Variants in GLP2R observed in about 807,000 individuals in gnomAD.
GLP2R encodes the protein glucagon-like peptide 2 receptor.
GLP2R carries 59 observed loss-of-function variants against 68.2 expected under a neutral mutation model. That is an observed-to-expected ratio of 0.87 (90% CI 0.70 to 1.07). The LOEUF (loss-of-function observed/expected upper bound fraction) is 1.07. Ranked by LOEUF, GLP2R falls within the 50% of genes least tolerant of loss-of-function variation. The pLI, the probability that GLP2R is intolerant of heterozygous loss-of-function variation, is 0.00. For missense variants in GLP2R, 548 were observed against 677.4 expected, an observed-to-expected ratio of 0.81 and a Z score of 2.12; for synonymous variants, 270 against 265.4, an observed-to-expected ratio of 1.02 and a Z score of -0.17.
chr17:9,849,761 C>T (rs1171680879), intron 4 of GLP2R, among the ~76,000 whole-genome samples: 1 of 151,748 alleles, frequency 6.6e-6, no homozygotes, highest in Non-Finnish European at 1.5e-5. Flanking sequence ...TACAGGCGCC[C>T]GCCACCACGC....
At chr17:9,865,134 C>A (rs1026591596) in intron 9 of GLP2R, among the ~76,000 whole-genome samples, 3 of 152,108 alleles carry the variant, frequency 2.0e-5, no homozygotes, top group Admixed American at 2.0e-4. Context: ...ATGGCTCCAC[C>A]ACCCACCCAC....
rs932451599 is a variant in GLP2R, at chr17:9,865,615, G to A, written c.1056+3525G>A. Among the ~76,000 whole-genome samples the A allele has an allele frequency of 3.3e-5, 5 of 152,164 alleles. No individual in the cohort carries two copies. The East Asian group carries it at 5.8e-4, about 18-fold the overall frequency. ...CACCATGGTGTTTCCCTCCTCCCAT[G>A]CACACATAAGCCTCAAGTGCCTGTT... On this transcript the variant is annotated intron_variant, in intron 9 of 12. Transcript: ENST00000262441.
At chr17:9,866,675 T>A (rs2152042280) in intron 9 of GLP2R, 1 of 152,364 alleles carries the variant, frequency 6.6e-6, no homozygotes, top group East Asian at 1.9e-4. Context: ...GCACCTTCAC[T>A]GGGCTTGGCT....
intron 12 of GLP2R, among the ~76,000 whole-genome samples, chr17:9,889,129 A>G (rs769072649): frequency 1.3e-5 from 2 of 152,178 alleles, no homozygotes; most frequent in South Asian, 4.1e-4. Flanking sequence ...ACCCCGGCAG[A>G]GTCCTTTCCT....
intron 10 of GLP2R, among the ~76,000 whole-genome samples, chr17:9,877,864 G>A (rs555667760): frequency 2.1e-4 from 26 of 124,122 alleles, no homozygotes; most frequent in African/African-American, 6.3e-4. Flanking sequence ...GCGACAGAAC[G>A]AGACTCCGTC....
At chr17:9,865,098 C>T (rs567366218) in intron 9 of GLP2R, among the ~76,000 whole-genome samples, 4 of 152,258 alleles carry the variant, frequency 2.6e-5, no homozygotes, top group East Asian at 1.9e-4. Flanking sequence ...CAGACCTCTC[C>T]TTCTCCTACT....
chr17:9,834,077 A>G (rs2066705367), intron 2 of GLP2R, among the ~76,000 whole-genome samples, 183 bp downstream of exon 2: 1 of 152,150 alleles, frequency 6.6e-6, no homozygotes, highest in Non-Finnish European at 1.5e-5. Context: ...GAAGACTCCC[A>G]TGGCCTCTAC....
At chr17:9,849,094 C>A (rs978771258) in intron 4 of GLP2R, among the ~76,000 whole-genome samples, 2 of 150,772 alleles carry the variant, frequency 1.3e-5, no homozygotes, top group South Asian at 2.1e-4. Flanking sequence ...TTTAATAATA[C>A]GTTTAAAATT....
intron 9 of GLP2R, among the ~76,000 whole-genome samples, chr17:9,869,851 C>A (rs1396139947): frequency 1.3e-5 from 2 of 152,186 alleles, no homozygotes; most frequent in African/African-American, 4.8e-5. Flanking sequence ...GTGCAAGTAA[C>A]TAAATCTAGC....
At chr17:9,848,773 C>G (rs1471912319) in intron 4 of GLP2R, among the ~76,000 whole-genome samples, 1 of 151,858 alleles carries the variant, frequency 6.6e-6, no homozygotes, top group Non-Finnish European at 1.5e-5. Context: ...AATCTTTGCC[C>G]TTCAGAGTTT....
At chr17:9,864,486 TTTTGTTTGTTTG>T (rs371335549) in intron 9 of GLP2R, among the ~76,000 whole-genome samples, 2,752 of 150,022 alleles carry the variant, frequency 0.018, 79 homozygotes, top group African/African-American at 0.063. Context: ...TTTTCTGTTT[TTTTGTTTGTTTG>T]TTTGTTTGTT....
In GLP2R at chr17:9,889,480, G is replaced by T. The variant is rs1039532866; in HGVS notation, c.1437G>T (p.Lys479Asn). ...KDFRFLGKCP[K>N]KLSEGDGAEK... ...TCCGGTTCCTAGGAAAATGTCCCAA[G>T]AAGCTCTCGGAAGGAGATGGCGCTG... Residue 479 changes from lysine to asparagine, a missense_variant, in exon 13 of 13, where the codon AAG becomes AAT. Lys to Asn is a moderately conservative substitution (Grantham distance 94). Coordinates refer to ENST00000262441, the MANE Select transcript of GLP2R (RefSeq NM_004246.3). 2 of 1,614,072 alleles carry T rather than the reference G, an allele frequency of 1.2e-6. No individual in the cohort carries two copies. The highest frequency in any genetic ancestry group is 8.5e-7 in the Non-Finnish European group (1 of 1,180,018).
rs149412529 is a variant in GLP2R, at chr17:9,880,378, A to G, written c.1146A>G (p.Arg382=). Reference sequence around the variant, plus strand: ...ACTGTTATTTGGTTGTCATTTACAGATTGGCAAAATCAACACTGGTCCTCA... The same window carrying G: ...ACTGTTATTTGGTTGTCATTTACAGGTTGGCAAAATCAACACTGGTCCTCA... ...HQMCFRDYKY[R]LAKSTLVLIP... is the part of the protein sequence containing the mutation. Residue 382 remains arginine, a splice_region_variant and synonymous_variant, in exon 11 of 13, where the codon AGA becomes AGG. Transcript: ENST00000262441. 65 of 1,585,938 alleles carry G rather than the reference A, an allele frequency of 4.1e-5. No individual in the cohort carries two copies. The Admixed American group carries it at 6.3e-4, about 15-fold the overall frequency.
intron 10 of GLP2R, among the ~76,000 whole-genome samples, chr17:9,872,767 G>A (rs1471875012): frequency 1.3e-5 from 2 of 152,174 alleles, no homozygotes; most frequent in African/African-American, 4.8e-5. Context: ...TTTCTGGTGT[G>A]TAAAAATGGG....
At chr17:9,837,763 C>A (rs1186710288) in intron 3 of GLP2R, among the ~76,000 whole-genome samples, 1 of 152,220 alleles carries the variant, frequency 6.6e-6, no homozygotes, top group East Asian at 1.9e-4. Flanking sequence ...ATTCCTGTTG[C>A]CTTTTACCAC....
intron 4 of GLP2R, among the ~76,000 whole-genome samples, chr17:9,845,952 T>C (rs977937343): frequency 6.6e-6 from 1 of 152,200 alleles, no homozygotes; most frequent in African/African-American, 2.4e-5. Flanking sequence ...TCCTTTTACA[T>C]TTTAAGCTGC....
rs1323936667 is a variant in GLP2R at position 9,880,418 on chromosome 17, G to A, written c.1186G>A (p.Val396Ile). The A allele has an allele frequency of 6.3e-6, 10 of 1,599,560 alleles. No individual in the cohort carries two copies. The highest frequency in any genetic ancestry group is 8.6e-6 in the Non-Finnish European group (10 of 1,168,708). Residue 396 changes from valine to isoleucine, a missense_variant, in exon 11 of 13, where the codon GTT becomes ATT. Coordinates refer to ENST00000262441, the MANE Select transcript of GLP2R (RefSeq NM_004246.3). ...ACTGGTCCTCATTCCTTTATTGGGC[G>A]TTCATGAGATCCTCTTCTCTTTCAT... Reference protein sequence around the residue: ...STLVLIPLLGVHEILFSFITD... With the variant: ...STLVLIPLLGIHEILFSFITD...
intron 12 of GLP2R, 152 bp from the exon 13 acceptor site, chr17:9,889,218 T>C: frequency 1.7e-6 from 1 of 605,038 alleles, no homozygotes; most frequent in East Asian, 2.8e-5. Context: ...CCACCAGACA[T>C]GTTTATGTAT....
At chr17:9,857,385 T>C in intron 5 of GLP2R, 38 bp from the exon 6 acceptor site, 1 of 1,608,668 alleles carries the variant, frequency 6.2e-7, no homozygotes, top group African/African-American at 1.3e-5. Flanking sequence ...GGAGCCATTC[T>C]TTCCTGAGGG....
Sources: allele counts gnomAD v4.1 joint callset (sites outside exome capture counted in the v4.1 genomes callset), GRCh38; gene constraint gnomAD v4.1.1; transcripts MANE v1.5; gene names NCBI Gene and HGNC (gene_info 2026-07-23, HGNC 2026-07-21).